CRHR1: variants seen among roughly 807,000 people sequenced by gnomAD.
CRHR1 encodes the protein corticotropin releasing hormone receptor 1.
In CRHR1, 28 loss-of-function variants were observed where a neutral mutation model predicts 56.0. The observed-to-expected ratio is 0.50, with a 90% confidence interval of 0.37 to 0.69. CRHR1 has a LOEUF of 0.69. Among genes scored for constraint, CRHR1 ranks in the 30% least tolerant of loss-of-function variants. The pLI, the probability that CRHR1 is intolerant of heterozygous loss-of-function variation, is 0.00. For missense variants in CRHR1, 376 were observed against 548.0 expected (o/e 0.69, Z 3.13); for synonymous variants, 195 against 216.5 (o/e 0.90, Z 0.87).
In CRHR1 at chr17:45,796,213, GCCTC is replaced by G. The variant is rs968866387; in HGVS notation, c.34-10794_34-10791del. ...GCGGCTGTCCCCACACCTCGGCTGT[GCCTC>G]CCACCCACTCAGGGACAGTTTCCCA... is the stretch of plus-strand genomic sequence containing the variant. On this transcript the variant is annotated intron_variant, in intron 1 of 12. Transcript: ENST00000314537. 3.3e-5 allele frequency among the ~76,000 whole-genome samples: 5 copies of G among 152,308 alleles called. No homozygotes were observed. In the East Asian group the frequency reaches 7.7e-4, roughly 24 times the overall value.
intron 1 of CRHR1, among the ~76,000 whole-genome samples, chr17:45,789,197 T>G (rs893559728): frequency 1.3e-5 from 2 of 152,198 alleles, no homozygotes; most frequent in African/African-American, 4.8e-5. Context: ...CTCCCAGCTC[T>G]GATTCTACCC....
At chr17:45,801,156 C>T (rs2061613820) in intron 1 of CRHR1, among the ~76,000 whole-genome samples, 1 of 152,140 alleles carries the variant, frequency 6.6e-6, no homozygotes, top group African/African-American at 2.4e-5. Context: ...CTGGAGCAGG[C>T]CATGTCAGAA....
chr17:45,828,932 C>T, intron 4 of CRHR1, among the ~76,000 whole-genome samples: 1 of 152,158 alleles, frequency 6.6e-6, no homozygotes, highest in South Asian at 2.1e-4. Flanking sequence ...CTTGTGCATG[C>T]AGGGGCGGGG....
At chr17:45,793,200 T>C (rs2061457107) in intron 1 of CRHR1, among the ~76,000 whole-genome samples, 2 of 152,260 alleles carry the variant, frequency 1.3e-5, no homozygotes, top group Admixed American at 6.5e-5. Context: ...CATTAAAAGA[T>C]TCCAGCACTG....
intron 8 of CRHR1, among the ~76,000 whole-genome samples, chr17:45,831,715 G>C (rs750171133): frequency 1.3e-5 from 2 of 152,212 alleles, no homozygotes; most frequent in East Asian, 1.9e-4. Context: ...CACTGAGAGA[G>C]AGCGGGGCAG....
At chr17:45,814,447 A>G (rs1327047596) in intron 2 of CRHR1, among the ~76,000 whole-genome samples, 1 of 152,124 alleles carries the variant, frequency 6.6e-6, no homozygotes, top group Non-Finnish European at 1.5e-5. Flanking sequence ...TGGTTCTTTC[A>G]CCCATTGACC....
chr17:45,817,189 C>T (rs951465556), intron 3 of CRHR1, among the ~76,000 whole-genome samples: 3 of 152,186 alleles, frequency 2.0e-5, no homozygotes, highest in East Asian at 3.8e-4. Context: ...CCCGGAGGCC[C>T]GAAACCCCCA....
chr17:45,813,049 C>T (rs776142943), intron 2 of CRHR1, among the ~76,000 whole-genome samples: 2 of 152,198 alleles, frequency 1.3e-5, no homozygotes, highest in East Asian at 1.9e-4. Context: ...CGCAGGATGG[C>T]GATCTGAAAT....
rs905052602 is a variant in CRHR1, at chr17:45,807,064, T to C, written c.88T>C (p.Cys30Arg). ...CTCTGCCTCCCTCCAGGACCAGCAC[T>C]GCGAGAGCCTGTCCCTGGCCAGCAA... ...PVSASLQDQHCESLSLASNIS... is the reference protein window; with the variant it reads ...PVSASLQDQHRESLSLASNIS... Residue 30 changes from cysteine (C) to arginine (R), a missense_variant, in exon 2 of 13, where the codon TGC becomes CGC. Physicochemically the swap from Cys to Arg is radical, Grantham distance 180. Transcript: ENST00000314537. The C allele has an allele frequency of 6.2e-7, 1 of 1,614,076 alleles. No individual in the cohort carries two copies. Among genetic ancestry groups the C allele is most frequent in the Non-Finnish European group, 8.5e-7 (1 of 1,179,976 alleles).
At chr17:45,824,637 C>T (rs991338514) in intron 4 of CRHR1, among the ~76,000 whole-genome samples, 1 of 152,196 alleles carries the variant, frequency 6.6e-6, no homozygotes, top group Non-Finnish European at 1.5e-5. Context: ...ATCGGGAGCC[C>T]GGTCTCATCA....
chr17:45,795,478 A>T lies in CRHR1; in HGVS notation c.33+10901A>T, dbSNP rs116791101. 8.7e-3 allele frequency among the ~76,000 whole-genome samples: 1,330 copies of T among 152,288 alleles called. 19 individuals carry two copies. The highest frequency in any genetic ancestry group is 0.03 in the African/African-American group (1,240 of 41,562). On this transcript the variant is annotated intron_variant, in intron 1 of 12. Transcript: ENST00000314537. ...GCCTGTGCATTTTAGGATGTTTATC[A>T]GCATTCCTGGCCTTTACCCATTAAA...
intron 4 of CRHR1, among the ~76,000 whole-genome samples, chr17:45,824,607 G>C (rs1264476429): frequency 6.6e-6 from 1 of 152,200 alleles, no homozygotes; most frequent in Non-Finnish European, 1.5e-5. Context: ...TCCACCAGCA[G>C]GGTTAGGACA....
intron 4 of CRHR1, among the ~76,000 whole-genome samples, chr17:45,822,767 C>A (rs749837513): frequency 6.6e-6 from 1 of 151,992 alleles, no homozygotes; most frequent in South Asian, 2.1e-4. Context: ...AGGAGAATCG[C>A]TTGAAACCAG....
intron 1 of CRHR1, among the ~76,000 whole-genome samples, chr17:45,797,293 T>C (rs1423270221): frequency 7.2e-6 from 1 of 139,438 alleles, no homozygotes; most frequent in Non-Finnish European, 1.6e-5. Flanking sequence ...CTTTTTTTTT[T>C]TTTTTTTTTT....
At chr17:45,794,475 C>T (rs984032858) in intron 1 of CRHR1, among the ~76,000 whole-genome samples, 2 of 152,242 alleles carry the variant, frequency 1.3e-5, no homozygotes, top group Admixed American at 6.5e-5. Flanking sequence ...CCCCTCCTGC[C>T]ATGCTTCTTG....
chr17:45,833,692 C>T, intron 10 of CRHR1, 22 bp from the exon 11 acceptor site: 1 of 1,586,794 alleles, frequency 6.3e-7, no homozygotes, highest in Non-Finnish European at 8.6e-7. Context: ...GACTCCGAGC[C>T]TCCCCACCCG....
rs887917952 is a variant in CRHR1, at chr17:45,834,166, G to A, written c.1107+118G>A. 5.6e-6 allele frequency: 7 copies of A among 1,257,538 alleles called. No individual in the cohort carries two copies. The African/African-American group carries it at 7.3e-5, about 13-fold the overall frequency. 77.9% of individuals were successfully genotyped at this position (1,257,538 alleles called of 1,614,324 possible). A position where few individuals can be genotyped will look rare whatever the true frequency, so the allele number is the denominator to read the frequency against. On this transcript the variant is annotated intron_variant, in intron 12 of 12. Transcript: ENST00000314537. ...TGCCTCTCTCCCTCCCTGCTCCTAG[G>A]TCCCTAGGGGTATGCTGCTGGGAGC...
chr17:45,809,840 G>A (rs1453976001), intron 2 of CRHR1, among the ~76,000 whole-genome samples: 3 of 152,232 alleles, frequency 2.0e-5, no homozygotes, highest in African/African-American at 4.8e-5. Context: ...CAGACTTGGC[G>A]ACTCATAAAA....
intron 1 of CRHR1, among the ~76,000 whole-genome samples, chr17:45,787,934 A>G (rs959099714): frequency 6.6e-6 from 1 of 152,230 alleles, no homozygotes; most frequent in African/African-American, 2.4e-5. Context: ...GAGGGGCCAA[A>G]AGCCAGGCCA....
Sources: gnomAD v4.1 joint callset for allele counts (sites outside exome capture counted in the v4.1 genomes callset) on GRCh38, gnomAD v4.1.1 for gene constraint, MANE v1.5 for transcripts, NCBI Gene and HGNC (gene_info 2026-07-23, HGNC 2026-07-21) for gene names.